SDK1: variants seen among roughly 807,000 people sequenced by gnomAD.
SDK1 encodes the protein sidekick cell adhesion molecule 1.
Under a neutral mutation model 245.5 loss-of-function variants are expected in SDK1, and 157 were observed. The observed-to-expected ratio is 0.64, with a 90% CI of 0.56 to 0.73. The LOEUF (loss-of-function observed/expected upper bound fraction) is 0.73, where lower values mean the gene tolerates loss of function less well. SDK1 is among the 30% of genes least tolerant of loss of function. SDK1 has a pLI of 0.00. For missense variants in SDK1, 3,583 were observed against 3,002.3 expected (o/e 1.19, Z -4.52); for synonymous variants, 1,647 against 1,278.5 (o/e 1.29, Z -6.15).
At chr7:3,659,174 T>G (rs1442103356) in intron 4 of SDK1, among the ~76,000 whole-genome samples, 2 of 152,176 alleles carry the variant, frequency 1.3e-5, no homozygotes, top group African/African-American at 4.8e-5. Context: ...CCGGGTTCTT[T>G]TTTGGTGCCT....
chr7:3,950,838 G>A (rs1405343509), intron 5 of SDK1, 85 bp from the exon 6 acceptor site: 5 of 990,926 alleles, frequency 5.0e-6, no homozygotes, highest in Non-Finnish European at 7.9e-6. Flanking sequence ...ATCCCCGGGG[G>A]TCTTGGAACG....
At chr7:3,871,874 C>T (rs1216448343) in intron 5 of SDK1, among the ~76,000 whole-genome samples, 1 of 152,166 alleles carries the variant, frequency 6.6e-6, no homozygotes. Flanking sequence ...ACCACCTCTC[C>T]TTATTCCTGA....
At chr7:4,241,972 G>A (rs1169653801) in intron 43 of SDK1, 59 bp downstream of exon 43, 1 of 1,585,780 alleles carries the variant, frequency 6.3e-7, no homozygotes, top group East Asian at 2.2e-5. Flanking sequence ...GGGCTGGGGT[G>A]GCAGCCCACG....
intron 1 of SDK1, among the ~76,000 whole-genome samples, chr7:3,527,080 C>T (rs1447721859): frequency 6.6e-6 from 1 of 152,094 alleles, no homozygotes; most frequent in African/African-American, 2.4e-5. Context: ...ACCAGCCCTG[C>T]TATTTTGGCA....
chr7:4,035,248 G>A (rs1453945862), intron 17 of SDK1, among the ~76,000 whole-genome samples: 1 of 151,934 alleles, frequency 6.6e-6, no homozygotes, highest in African/African-American at 2.4e-5. Flanking sequence ...GCCTCTCAAA[G>A]TGCTGGGATT....
At chr7:4,007,369 C>G (rs1029701454) in intron 14 of SDK1, among the ~76,000 whole-genome samples, 1 of 152,058 alleles carries the variant, frequency 6.6e-6, no homozygotes, top group East Asian at 1.9e-4. Flanking sequence ...CAGGTAGCCC[C>G]AGGCAGCCTC....
At chr7:3,550,813 A>G (rs1779379378) in intron 1 of SDK1, among the ~76,000 whole-genome samples, 2 of 152,122 alleles carry the variant, frequency 1.3e-5, no homozygotes, top group African/African-American at 2.4e-5. Context: ...TTCTATTTTC[A>G]TGTTTTGATA....
intron 1 of SDK1, among the ~76,000 whole-genome samples, chr7:3,569,224 A>T (rs951203666): frequency 3.3e-5 from 5 of 152,202 alleles, no homozygotes; most frequent in African/African-American, 9.7e-5. Context: ...AGCGAGAAAA[A>T]CAAGGAAAAA....
intron 5 of SDK1, among the ~76,000 whole-genome samples, chr7:3,924,768 C>T (rs1278463512): frequency 2.0e-5 from 3 of 152,154 alleles, no homozygotes; most frequent in Non-Finnish European, 2.9e-5. Flanking sequence ...TTTCTTTACC[C>T]GTCGCCCTCC....
chr7:3,449,449 A>G (rs1780446111), intron 1 of SDK1, among the ~76,000 whole-genome samples: 1 of 151,718 alleles, frequency 6.6e-6, no homozygotes, highest in African/African-American at 2.4e-5. Context: ...AAGTAACTCC[A>G]GTATCTCTAG....
chr7:4,068,867 G>A (rs1780065785), intron 20 of SDK1, among the ~76,000 whole-genome samples: 1 of 151,992 alleles, frequency 6.6e-6, no homozygotes, highest in Non-Finnish European at 1.5e-5. Flanking sequence ...GATTACAGGT[G>A]TGTGCCACCA....
intron 1 of SDK1, among the ~76,000 whole-genome samples, chr7:3,552,005 A>C (rs1015444136): frequency 2.0e-5 from 3 of 152,000 alleles, no homozygotes; most frequent in Non-Finnish European, 4.4e-5. Flanking sequence ...AGTGTGATAC[A>C]ACTCCTAAAC....
chr7:3,587,681 G>A (rs568627524), intron 1 of SDK1, among the ~76,000 whole-genome samples: 41 of 152,290 alleles, frequency 2.7e-4, no homozygotes, highest in African/African-American at 9.4e-4. Context: ...GATCTTCTCC[G>A]GAAATACCTT....
intron 1 of SDK1, among the ~76,000 whole-genome samples, chr7:3,373,557 C>T (rs889549292): frequency 1.3e-5 from 2 of 151,802 alleles, no homozygotes. Flanking sequence ...TAGTCAACAT[C>T]ATTTATGACA....
chr7:3,489,787 T>A (rs1318113283), intron 1 of SDK1, among the ~76,000 whole-genome samples: 1 of 152,226 alleles, frequency 6.6e-6, no homozygotes, highest in South Asian at 2.1e-4. Flanking sequence ...CCTATTAAAA[T>A]TTGATCACAA....
At chr7:4,023,627 G>A (rs1486471403) in intron 17 of SDK1, among the ~76,000 whole-genome samples, 1 of 152,184 alleles carries the variant, frequency 6.6e-6, no homozygotes, top group Non-Finnish European at 1.5e-5. Context: ...ATAACCGAGT[G>A]CCCAGTATAA....
At chr7:4,169,327 A>G (rs1267118615) in intron 32 of SDK1, among the ~76,000 whole-genome samples, 1 of 152,176 alleles carries the variant, frequency 6.6e-6, no homozygotes, top group Non-Finnish European at 1.5e-5. Flanking sequence ...TGGCTCAGGC[A>G]CTGGGAACTG....
chr7:3,551,726 A>T (rs1246547960), intron 1 of SDK1, among the ~76,000 whole-genome samples: 1 of 152,186 alleles, frequency 6.6e-6, no homozygotes, highest in East Asian at 1.9e-4. Flanking sequence ...CCCAGGCTGG[A>T]GTACAGCAGC....
At chr7:3,678,153 A>C (rs1783968478) in intron 4 of SDK1, among the ~76,000 whole-genome samples, 1 of 152,212 alleles carries the variant, frequency 6.6e-6, no homozygotes, top group Admixed American at 6.5e-5. Context: ...GAGGATGTGG[A>C]AACAGTGGGG....
Sources: gnomAD v4.1 joint callset for allele counts (sites outside exome capture counted in the v4.1 genomes callset) on GRCh38, gnomAD v4.1.1 for gene constraint, MANE v1.5 for transcripts, NCBI Gene and HGNC (gene_info 2026-07-23, HGNC 2026-07-21) for gene names.